Variants in CTNNA3 observed in about 807,000 individuals in gnomAD.
CTNNA3 encodes the protein catenin alpha 3.
Under a neutral mutation model 95.7 loss-of-function variants are expected in CTNNA3, and 76 were observed. The observed-to-expected ratio is 0.79, with a 90% confidence interval of 0.66 to 0.96. CTNNA3 has a LOEUF of 0.96. CTNNA3 is among the 40% of genes least tolerant of loss of function. CTNNA3 has a pLI of 0.00. For synonymous variants in CTNNA3, 431 were observed against 374.4 expected (o/e 1.15, Z -1.74); for missense variants, 1,191 against 1,089.8 (o/e 1.09, Z -1.31).
At chr10:65,967,521 A>G (rs2077998768) in intron 16 of CTNNA3, among the ~76,000 whole-genome samples, 1 of 152,218 alleles carries the variant, frequency 6.6e-6, no homozygotes, top group Admixed American at 6.5e-5. Flanking sequence ...AATATGTTCT[A>G]CTACTTTCAG....
Position 66,927,323 on chromosome 10 carries a change from G to T in CTNNA3, c.1048-151799C>A, listed in dbSNP as rs1278032151. 1 of 1,613,900 alleles carries T rather than the reference G, an allele frequency of 6.2e-7. No homozygotes were observed. Among genetic ancestry groups the T allele is most frequent in the African/African-American group, 1.3e-5 (1 of 74,876 alleles). ...ACCTTCAGACCTGTGACAAATTTAC[G>T]GAACTTGGATCTGTCCTATAATCAG... is the stretch of plus-strand genomic sequence containing the variant. On this transcript the variant is annotated intron_variant, in intron 7 of 17. Transcript: ENST00000433211. The surrounding 1 kb of genome is among the most constrained non-coding windows in gnomAD (Gnocchi z 4.7).
intron 5 of CTNNA3, among the ~76,000 whole-genome samples, chr10:67,387,894 C>G (rs199893757): frequency 1.3e-5 from 2 of 151,710 alleles, no homozygotes; most frequent in Non-Finnish European, 2.9e-5. Flanking sequence ...GACACCCACA[C>G]CAAAAACCCA....
chr10:65,958,341 A>G (rs556594020), intron 17 of CTNNA3, among the ~76,000 whole-genome samples: 1 of 152,042 alleles, frequency 6.6e-6, no homozygotes, highest in East Asian at 1.9e-4. Context: ...ATCCTCCTTT[A>G]GCTTGGAGAA....
intron 1 of CTNNA3, among the ~76,000 whole-genome samples, chr10:67,735,513 A>G (rs892555178): frequency 3.9e-5 from 6 of 152,188 alleles, no homozygotes; most frequent in Non-Finnish European, 5.9e-5. Flanking sequence ...ATTTGTCCCA[A>G]GGAAATATAC....
intron 7 of CTNNA3, among the ~76,000 whole-genome samples, chr10:66,981,237 C>G (rs1454375575): frequency 1.3e-5 from 2 of 152,188 alleles, no homozygotes; most frequent in African/African-American, 2.4e-5. Context: ...ATTCCTAAAT[C>G]AATATCCTGA....
intron 12 of CTNNA3, among the ~76,000 whole-genome samples, chr10:66,375,460 C>A (rs570758265): frequency 2.0e-5 from 3 of 152,052 alleles, no homozygotes; most frequent in African/African-American, 7.2e-5. Context: ...CATAAAAATT[C>A]TTTGAGTCAT....
intron 7 of CTNNA3, among the ~76,000 whole-genome samples, chr10:67,071,801 C>A (rs1856481754): frequency 6.6e-6 from 1 of 152,086 alleles, no homozygotes; most frequent in African/African-American, 2.4e-5. Context: ...TAATTTTTCC[C>A]TTTTTCTTTC....
intron 9 of CTNNA3, among the ~76,000 whole-genome samples, chr10:66,648,187 G>T (rs1467478308): frequency 6.6e-6 from 1 of 152,034 alleles, no homozygotes; most frequent in Non-Finnish European, 1.5e-5. Flanking sequence ...ATCACCAGAA[G>T]AACTTTTACA....
chr10:66,079,329 A>T (rs2080654064), intron 14 of CTNNA3: 1 of 151,990 alleles, frequency 6.6e-6, no homozygotes, highest in African/African-American at 2.4e-5. Flanking sequence ...AGATGCATAT[A>T]ATACAATTAG....
chr10:67,034,905 C>T (rs1853949361), intron 7 of CTNNA3, among the ~76,000 whole-genome samples: 1 of 152,196 alleles, frequency 6.6e-6, no homozygotes, highest in Non-Finnish European at 1.5e-5. Context: ...GTTGACATAT[C>T]TCTTGGCAAT....
intron 7 of CTNNA3, among the ~76,000 whole-genome samples, chr10:67,033,852 C>T (rs1415941403): frequency 6.6e-6 from 1 of 152,066 alleles, no homozygotes; most frequent in Non-Finnish European, 1.5e-5. Context: ...CTCACCGCAA[C>T]CTCTGCCTCC....
chr10:66,461,660 G>T (rs899204556), intron 11 of CTNNA3, among the ~76,000 whole-genome samples: 5 of 146,736 alleles, frequency 3.4e-5, no homozygotes, highest in African/African-American at 1.3e-4. Flanking sequence ...TAGAGCTTCA[G>T]TTTGCACTCA....
At chr10:67,617,854 T>C (rs1248463403) in intron 2 of CTNNA3, among the ~76,000 whole-genome samples, 1 of 152,042 alleles carries the variant, frequency 6.6e-6, no homozygotes, top group Non-Finnish European at 1.5e-5. Context: ...ATTTCTCTAA[T>C]GATCAGTGAT....
intron 12 of CTNNA3, among the ~76,000 whole-genome samples, chr10:66,371,926 C>T (rs973615633): frequency 2.0e-5 from 3 of 152,080 alleles, no homozygotes; most frequent in Non-Finnish European, 2.9e-5. Flanking sequence ...TGATTTATTC[C>T]AGTGGTAGAA....
intron 17 of CTNNA3, among the ~76,000 whole-genome samples, chr10:65,957,519 G>A (rs7921933): frequency 0.049 from 7,480 of 152,214 alleles, 265 homozygotes; most frequent in African/African-American, 0.089. Context: ...TTTTTGCAGT[G>A]GCTGGTACCG....
intron 13 of CTNNA3, among the ~76,000 whole-genome samples, chr10:66,188,307 A>T (rs2086444950): frequency 6.6e-6 from 1 of 152,032 alleles, no homozygotes; most frequent in East Asian, 1.9e-4. Flanking sequence ...CATGTTGTAC[A>T]TTTGATTCCT....
rs1410978901 is a variant in CTNNA3 at position 66,260,478 on chromosome 10, C to T, written c.1884+19992G>A. Among the ~76,000 whole-genome samples, 3 of 152,096 alleles carry T rather than the reference C, an allele frequency of 2.0e-5. No homozygotes were observed. In the East Asian group the frequency reaches 5.8e-4, roughly 29 times the overall value. On this transcript the variant is annotated intron_variant, in intron 13 of 17. Transcript: ENST00000433211. ...GGGGATAGGTAATCACTCCGTGATT[C>T]TCACTGTGTACACATTAATAAATCT...
chr10:67,481,056 A>G (rs1235693963), intron 5 of CTNNA3, among the ~76,000 whole-genome samples: 1 of 152,214 alleles, frequency 6.6e-6, no homozygotes, highest in Non-Finnish European at 1.5e-5. Context: ...CAAGATGATC[A>G]TATGGTTTTG....
At chr10:66,101,034 T>C (rs2081605616) in intron 14 of CTNNA3, among the ~76,000 whole-genome samples, 1 of 152,188 alleles carries the variant, frequency 6.6e-6, no homozygotes, top group Non-Finnish European at 1.5e-5. Flanking sequence ...TTTGGTCAAT[T>C]ACTTTGCAAG....
Sources: allele counts gnomAD v4.1 joint callset (sites outside exome capture counted in the v4.1 genomes callset), GRCh38; gene constraint gnomAD v4.1.1; non-coding constraint Gnocchi (gnomAD v3.1); transcripts MANE v1.5; gene names NCBI Gene and HGNC (gene_info 2026-07-23, HGNC 2026-07-21).